Variants in OOEP observed in about 807,000 individuals in gnomAD.
OOEP encodes the protein oocyte-expressed protein homolog.
Under a neutral mutation model 13.7 loss-of-function variants are expected in OOEP, and 16 were observed. The observed-to-expected ratio is 1.16, with a 90% confidence interval of 0.79 to 1.77. OOEP has a LOEUF of 1.77. OOEP is among the 40% of genes most tolerant of loss of function. The pLI, the probability that OOEP is intolerant of heterozygous loss-of-function variation, is 0.00. For missense variants in OOEP, 195 were observed against 193.1 expected (o/e 1.01, Z -0.06); for synonymous variants, 89 against 77.1 (o/e 1.15, Z -0.81).
chr6:73,374,103 G>A (rs1769101541), upstream of OOEP, among the ~76,000 whole-genome samples: 3 of 151,990 alleles, frequency 2.0e-5, 1 homozygote, highest in South Asian at 6.2e-4. Flanking sequence ...AGGAAGGATA[G>A]CCTGAGTGCA....
At position 73,392,619 on chromosome 6, in the gene OOEP, C is replaced by CT. The variant is rs70994198; in HGVS notation, c.25+1726dup. On this transcript the variant is annotated intron_variant, in intron 2 of 3. Coordinates refer to the OOEP transcript ENST00000370363. ...GCGCCTGGCCTATTTCCTAGGTAAT[C>CT]TTTTTTTTTTTTTTTTTTTTTTTTT... Among the ~76,000 whole-genome samples, 18 of 44,032 alleles carry CT rather than the reference C, an allele frequency of 4.1e-4. 1 individual carries two copies. The highest frequency in any genetic ancestry group is 1.1e-3 in the African/African-American group (11 of 10,154). The allele number at this position is 44,032 out of a possible 152,430, so 28.9% of individuals were successfully genotyped here.
At chr6:73,393,724 G>A (rs560933509) in intron 2 of OOEP, among the ~76,000 whole-genome samples, 1 of 152,246 alleles carries the variant, frequency 6.6e-6, no homozygotes, top group South Asian at 2.1e-4. Flanking sequence ...AGGCTGTGGT[G>A]GGAGTATCAC....
intron 2 of OOEP, among the ~76,000 whole-genome samples, chr6:73,380,565 C>A (rs1467965349): frequency 6.6e-6 from 1 of 152,090 alleles, no homozygotes; most frequent in African/African-American, 2.4e-5. Flanking sequence ...AGCTAAAAGA[C>A]ACTATAGGAT....
At chr6:73,388,166 C>T (rs116886394) in intron 2 of OOEP, among the ~76,000 whole-genome samples, 5,054 of 152,202 alleles carry the variant, frequency 0.033, 318 homozygotes, top group East Asian at 0.16. Context: ...CGTGAGACAC[C>T]GCACTGGGCC....
intron 2 of OOEP, among the ~76,000 whole-genome samples, chr6:73,388,947 G>T (rs919124294): frequency 6.6e-6 from 1 of 152,128 alleles, no homozygotes; most frequent in Admixed American, 6.5e-5. Flanking sequence ...GAGGGTAGAG[G>T]GACCGTTCCT....
In OOEP at chr6:73,394,890, G is replaced by A. The variant is rs752195879; in HGVS notation, c.-290C>T. On this transcript the variant is annotated 5_prime_UTR_variant, in exon 1 of 4. Transcript: ENST00000370363. The stretch of plus-strand genomic sequence containing the variant: ...GCTGGACGGCAACGACGTCGGACGC[G>A]CCCCTTCTTGGAACAATGTCCCACC... 117 of 1,613,206 alleles carry A rather than the reference G, an allele frequency of 7.3e-5. 1 individual carries two copies. The highest frequency in any genetic ancestry group is 4.5e-4 in the South Asian group (41 of 91,058).
At chr6:73,380,801 A>G (rs1481326114) in intron 2 of OOEP, among the ~76,000 whole-genome samples, 1 of 152,184 alleles carries the variant, frequency 6.6e-6, no homozygotes, top group African/African-American at 2.4e-5. Flanking sequence ...TAGAAACTAT[A>G]TGGTAGAGAG....
chr6:73,378,106 T>C (rs1769157562), intron 2 of OOEP, among the ~76,000 whole-genome samples: 1 of 110,818 alleles, frequency 9.0e-6, no homozygotes, highest in Non-Finnish European at 2.2e-5. Flanking sequence ...TCTTCTATTT[T>C]TTTTTCTTTT....
upstream of OOEP, among the ~76,000 whole-genome samples, chr6:73,370,399 T>A (rs1038555859): frequency 2.6e-5 from 4 of 152,180 alleles, no homozygotes; most frequent in Middle Eastern, 3.2e-3. Context: ...TAGACAATTT[T>A]CCTTTATTTC....
At chr6:73,374,003 C>T (rs1459504769), upstream of OOEP, among the ~76,000 whole-genome samples, 1 of 151,930 alleles carries the variant, frequency 6.6e-6, no homozygotes, top group African/African-American at 2.4e-5. Flanking sequence ...CCACCCTGGG[C>T]AACATAGAGA....
At chr6:73,394,342 T>A (rs1334068544) in intron 2 of OOEP, 1 of 715,686 alleles carries the variant, frequency 1.4e-6, no homozygotes, top group African/African-American at 1.7e-5. Flanking sequence ...TAACAGTGAC[T>A]TACCTTTATG....
intron 2 of OOEP, among the ~76,000 whole-genome samples, chr6:73,385,144 A>AGT (rs1214282545): frequency 3.3e-5 from 5 of 151,670 alleles, no homozygotes; most frequent in African/African-American, 9.7e-5. Context: ...CAGGAGATTG[A>AGT]GACCATCCTG....
At chr6:73,378,295 G>A (rs1769159079) in intron 2 of OOEP, among the ~76,000 whole-genome samples, 1 of 151,404 alleles carries the variant, frequency 6.6e-6, no homozygotes, top group Non-Finnish European at 1.5e-5. Context: ...TGTAAAGATG[G>A]GGTTTCTTCA....
At chr6:73,388,226 G>A (rs1352574451) in intron 2 of OOEP, among the ~76,000 whole-genome samples, 2 of 152,062 alleles carry the variant, frequency 1.3e-5, no homozygotes, top group Non-Finnish European at 2.9e-5. Context: ...AAATCCTTAT[G>A]CCTCCCCCTC....
exon 1 of OOEP, chr6:73,394,951 G>C (rs764993975): frequency 3.1e-6 from 5 of 1,614,152 alleles, no homozygotes; most frequent in African/African-American, 1.3e-5. Context: ...GTGGGTCGTT[G>C]CTAGTCGGCG....
rs1274952660 is a variant in OOEP, at chr6:73,369,887, C to T, written c.-95G>A. The T allele has an allele frequency of 1.6e-5, 19 of 1,179,856 alleles. No homozygotes were observed. Among genetic ancestry groups the T allele is most frequent in the Non-Finnish European group, 2.3e-5 (19 of 823,696 alleles). 73.1% of individuals were successfully genotyped at this position (1,179,856 alleles called of 1,614,324 possible). A position where few individuals can be genotyped will look rare whatever the true frequency, so the allele number is the denominator to read the frequency against. Reference sequence around the variant, plus strand: ...AGCTCGGGCTCTCTTTTACCATATTCGACCCGCTCCGCCCCTTCCGGCGGC... The same window carrying T: ...AGCTCGGGCTCTCTTTTACCATATTTGACCCGCTCCGCCCCTTCCGGCGGC... On this transcript the variant is annotated 5_prime_UTR_variant, in exon 1 of 3. Coordinates refer to ENST00000370359, the MANE Select transcript of OOEP (RefSeq NM_001080507.3).
upstream of OOEP, chr6:73,373,369 G>A (rs544362525): frequency 1.6e-5 from 18 of 1,155,688 alleles, no homozygotes; most frequent in South Asian, 2.1e-4. Flanking sequence ...CTGTCACCCA[G>A]GCTAGAGTGC....
intron 2 of OOEP, among the ~76,000 whole-genome samples, chr6:73,383,667 G>A (rs113756595): frequency 0.015 from 2,347 of 152,196 alleles, 59 homozygotes; most frequent in African/African-American, 0.053. Flanking sequence ...ATCAGTGCAA[G>A]AAGGAAGTAA....
At chr6:73,374,353 C>T (rs1769105205), upstream of OOEP, among the ~76,000 whole-genome samples, 1 of 152,128 alleles carries the variant, frequency 6.6e-6, no homozygotes, top group Non-Finnish European at 1.5e-5. Context: ...CCAGGACCCA[C>T]TCCCATGTGT....
Sources: allele counts gnomAD v4.1 joint callset (sites outside exome capture counted in the v4.1 genomes callset), GRCh38; gene constraint gnomAD v4.1.1; transcripts MANE v1.5; gene names NCBI Gene and HGNC (gene_info 2026-07-23, HGNC 2026-07-21).